Variants in HEATR6 observed in about 807,000 individuals in gnomAD.
The protein encoded by HEATR6 is HEAT repeat containing 6, also known as HEAT repeat-containing protein 6.
A neutral mutation model predicts 132.8 loss-of-function variants in HEATR6; 106 were observed. The ratio of observed to expected loss-of-function variants is 0.80; its 90% CI spans 0.68 to 0.94. The LOEUF (loss-of-function observed/expected upper bound fraction) is 0.94. Ranked by LOEUF, HEATR6 falls within the 40% of genes least tolerant of loss-of-function variation. The pLI, the probability that HEATR6 is intolerant of heterozygous loss-of-function variation, is 0.00. For synonymous variants in HEATR6, 529 were observed against 537.8 expected (o/e 0.98, Z 0.23); for missense variants, 1,339 against 1,425.1 (o/e 0.94, Z 0.97).
chr17:60,051,742 T>C (rs1165833545), intron 14 of HEATR6, among the ~76,000 whole-genome samples: 1 of 152,244 alleles, frequency 6.6e-6, no homozygotes, highest in South Asian at 2.1e-4. Flanking sequence ...TTCTGTTCCA[T>C]GGACCTAGTC....
At chr17:60,045,354 T>C (rs1411029198) in intron 19 of HEATR6, among the ~76,000 whole-genome samples, 1 of 152,130 alleles carries the variant, frequency 6.6e-6, no homozygotes, top group Non-Finnish European at 1.5e-5. Context: ...GTCTCAGATC[T>C]GAGAGAGAGA....
intron 11 of HEATR6, among the ~76,000 whole-genome samples, chr17:60,057,967 T>C (rs1260278427): frequency 1.3e-5 from 2 of 152,222 alleles, no homozygotes; most frequent in Non-Finnish European, 1.5e-5. Flanking sequence ...GTTCCATTGA[T>C]CTGTTTGTCT....
Position 60,056,815 on chromosome 17 carries a change from G to A in HEATR6, c.2079+233C>T, listed in dbSNP as rs1354708518. ...CCACTTGTCATATAATACCTGAAGG[G>A]ACTAAAATAATTTGCAATCAAAGAA... On this transcript the variant is annotated intron_variant, in intron 12 of 19. Coordinates refer to ENST00000184956, the MANE Select transcript of HEATR6 (RefSeq NM_022070.5). 3.9e-5 allele frequency among the ~76,000 whole-genome samples: 6 copies of A among 152,152 alleles called. No homozygotes were observed. The South Asian group carries it at 1.2e-3, about 32-fold the overall frequency.
In HEATR6 at chr17:60,078,920, C is replaced by G; in HGVS notation, c.-6G>C. 3 of 57,728 alleles carry G rather than the reference C, an allele frequency of 5.2e-5. No individual in the cohort carries two copies. The highest frequency in any genetic ancestry group is 9.9e-5 in the Non-Finnish European group (3 of 30,172). 3.6% of individuals were successfully genotyped at this position (57,728 alleles called of 1,614,324 possible). A position where few individuals can be genotyped will look rare whatever the true frequency, so the allele number is the denominator to read the frequency against. The stretch of plus-strand genomic sequence containing the variant: ...ACAACTTGCACAGCAGCCATCTTTT[C>G]TACGGGCGGGGGGGGTGGGTGGGGT... On this transcript the variant is annotated 5_prime_UTR_variant, in exon 1 of 20. Transcript: ENST00000184956.
intron 19 of HEATR6, among the ~76,000 whole-genome samples, chr17:60,045,370 A>G (rs1906331960): frequency 6.6e-6 from 1 of 152,214 alleles, no homozygotes; most frequent in Non-Finnish European, 1.5e-5. Context: ...AGAGAGATGC[A>G]ATAAAGCGAA....
chr17:60,078,877 A>G lies in HEATR6; in HGVS notation c.38T>C (p.Val13Ala). The part of the protein sequence containing the change: ...AVQVVGSWPS[V>A]QPREAPREAI... ...TTCCCGCGGTGCCTCCCGCGGCTGC[A>G]CGGAAGGCCACGAACCGACAACTTG... Residue 13 changes from valine (V) to alanine (A), a missense_variant, in exon 1 of 20, where the codon GTG (valine) becomes GCG (alanine). Val to Ala is a moderately conservative substitution (Grantham distance 64). Coordinates refer to ENST00000184956, the MANE Select transcript of HEATR6 (RefSeq NM_022070.5). 1 of 1,339,038 alleles carries G rather than the reference A, an allele frequency of 7.5e-7. No homozygotes were observed. The highest frequency in any genetic ancestry group is 9.8e-7 in the Non-Finnish European group (1 of 1,017,314). 82.9% of individuals were successfully genotyped at this position (1,339,038 alleles called of 1,614,324 possible).
chr17:60,049,313 A>G (rs1415452102), intron 16 of HEATR6, among the ~76,000 whole-genome samples: 1 of 151,500 alleles, frequency 6.6e-6, no homozygotes, highest in East Asian at 1.9e-4. Flanking sequence ...AATTTTTTGT[A>G]GAGACAGGGT....
chr17:60,060,056 T>C lies in HEATR6; in HGVS notation c.1457A>G (p.Glu486Gly). 1.9e-6 allele frequency: 3 copies of C among 1,614,056 alleles called. No individual in the cohort carries two copies. Among genetic ancestry groups the C allele is most frequent in the Non-Finnish European group, 2.5e-6 (3 of 1,179,954 alleles). ...AACAGAAAGAAACTGCTTTGAGCCT[T>C]CCAAGATGGCAGATAAAACTTGCAG... ...CALQVLSAIL[E>G]GSKQFLSVAE... Residue 486 changes from glutamate to glycine, a missense_variant, in exon 10 of 20, where the codon GAA (glutamate) becomes GGA (glycine). Physicochemically the swap from Glu to Gly is moderately conservative, Grantham distance 98. Coordinates refer to ENST00000184956, the MANE Select transcript of HEATR6 (RefSeq NM_022070.5).
intron 18 of HEATR6, among the ~76,000 whole-genome samples, 172 bp downstream of exon 18, chr17:60,047,137 T>C (rs1440744316): frequency 2.0e-5 from 3 of 151,980 alleles, no homozygotes; most frequent in Admixed American, 6.6e-5. Flanking sequence ...AAAGAAACCA[T>C]ACACGTGTGG....
intron 7 of HEATR6, among the ~76,000 whole-genome samples, chr17:60,068,995 G>A (rs2083256391): frequency 6.6e-6 from 1 of 152,230 alleles, no homozygotes; most frequent in Admixed American, 6.5e-5. Flanking sequence ...CAGATGTTGG[G>A]TAAATGCTGA....
rs1906353971 is a variant in HEATR6, at chr17:60,046,052, C to T, written c.2947G>A (p.Val983Ile). ...AAAGGAAGGGCAGGATTTTTAAATA[C>T]ATTTCCCATTGCATAACAAGCATTC... ...RWNACYAMGN[V>I]FKNPALPLGT... is the part of the protein sequence containing the mutation. The change falls in exon 19 of 20, where the codon GTA (valine) becomes ATA (isoleucine). Residue 983 changes from valine to isoleucine, a missense_variant. Coordinates refer to ENST00000184956, the MANE Select transcript of HEATR6 (RefSeq NM_022070.5). 6.2e-7 allele frequency: 1 copy of T among 1,613,850 alleles called. No individual in the cohort carries two copies. The highest frequency in any genetic ancestry group is 8.5e-7 in the Non-Finnish European group (1 of 1,179,942).
At chr17:60,056,260 A>C (rs897678925) in intron 12 of HEATR6, 23 bp from the exon 13 acceptor site, 18 of 1,593,454 alleles carry the variant, frequency 1.1e-5, no homozygotes, top group Non-Finnish European at 1.5e-5. Context: ...CATGGAATTA[A>C]CCCTCTAAGA....
At chr17:60,059,791 T>C (rs556093119) in intron 10 of HEATR6, 99 bp downstream of exon 10, 40 of 864,380 alleles carry the variant, frequency 4.6e-5, no homozygotes, top group Non-Finnish European at 7.4e-5. Flanking sequence ...AACTATTACT[T>C]AGTTATATTC....
rs200834131 is a variant in HEATR6, at chr17:60,060,052, G to A, written c.1461C>T (p.Gly487=). The A allele has an allele frequency of 2.0e-4, 330 of 1,614,048 alleles. 4 individuals carry two copies. The South Asian group carries it at 2.6e-3, about 13-fold the overall frequency. The part of the protein sequence containing the change: ...ALQVLSAILE[G]SKQFLSVAED... Reference sequence around the variant, plus strand: ...CAGCAACAGAAAGAAACTGCTTTGAGCCTTCCAAGATGGCAGATAAAACTT... The same window carrying A: ...CAGCAACAGAAAGAAACTGCTTTGAACCTTCCAAGATGGCAGATAAAACTT... Residue 487 remains glycine, a synonymous_variant, in exon 10 of 20, where the codon GGC becomes GGT. Coordinates refer to ENST00000184956, the MANE Select transcript of HEATR6 (RefSeq NM_022070.5).
rs1463451682 is a variant in HEATR6 at position 60,078,747 on chromosome 17, G to C, written c.168C>G (p.Phe56Leu). 1 of 1,561,658 alleles carries C rather than the reference G, an allele frequency of 6.4e-7. No individual in the cohort carries two copies. Among genetic ancestry groups the C allele is most frequent in the East Asian group, 2.4e-5 (1 of 42,024 alleles). ...SSARTEIHLL[F>L]DQLISENYSE... ...TGTAGTTCTCGGAGATGAGCTGATCGAAGAGCAGGTGGATCTCGGTGCGGG... is the reference window on the plus strand; with the variant it reads ...TGTAGTTCTCGGAGATGAGCTGATCCAAGAGCAGGTGGATCTCGGTGCGGG... The change falls in exon 1 of 20, where the codon TTC (phenylalanine) becomes TTG (leucine). Residue 56 changes from phenylalanine (F) to leucine (L), a missense_variant. Transcript: ENST00000184956.
intron 9 of HEATR6, among the ~76,000 whole-genome samples, chr17:60,062,175 A>G (rs1416076970): frequency 1.3e-5 from 2 of 152,220 alleles, no homozygotes; most frequent in Admixed American, 1.3e-4. Flanking sequence ...AAGATACTGA[A>G]TCTGGTACAA....
intron 13 of HEATR6, 44 bp from the exon 14 acceptor site, chr17:60,055,645 G>T: frequency 7.1e-7 from 1 of 1,402,878 alleles, no homozygotes; most frequent in Non-Finnish European, 1.0e-6. Flanking sequence ...CAGAACTAAT[G>T]AATGACTTCA....
chr17:60,056,978 G>A (rs1305771312), intron 12 of HEATR6, 70 bp downstream of exon 12: 5 of 1,190,340 alleles, frequency 4.2e-6, no homozygotes, highest in Middle Eastern at 2.8e-4. Context: ...TTACCTGCTC[G>A]CTCCTCACAG....
chr17:60,072,742 C>T (rs1349514562), intron 4 of HEATR6, among the ~76,000 whole-genome samples: 1 of 152,202 alleles, frequency 6.6e-6, no homozygotes, highest in Admixed American at 6.5e-5. Context: ...TGCTCATTGT[C>T]TACTGCCTAC....
Sources: gnomAD v4.1 joint callset for allele counts (sites outside exome capture counted in the v4.1 genomes callset) on GRCh38, gnomAD v4.1.1 for gene constraint, MANE v1.5 for transcripts, NCBI Gene and HGNC (gene_info 2026-07-23, HGNC 2026-07-21) for gene names.